Variants in SYNPR observed in about 807,000 individuals in gnomAD.
SYNPR encodes synaptoporin.
In SYNPR, 23 loss-of-function variants were observed where a neutral mutation model predicts 32.9. That is an observed-to-expected ratio of 0.70 (90% CI 0.50 to 0.99). The LOEUF (loss-of-function observed/expected upper bound fraction) is 0.99, where lower values mean the gene tolerates loss of function less well. Among genes scored for constraint, SYNPR ranks in the 50% least tolerant of loss-of-function variants. SYNPR has a pLI of 0.00. For synonymous variants in SYNPR, 146 were observed against 135.9 expected (o/e 1.07, Z -0.52); for missense variants, 318 against 349.3 (o/e 0.91, Z 0.71).
intron 2 of SYNPR, among the ~76,000 whole-genome samples, chr3:63,374,469 A>T (rs1038521337): frequency 1.3e-5 from 2 of 152,150 alleles, no homozygotes; most frequent in East Asian, 1.9e-4. Flanking sequence ...GGATCAAAAA[A>T]CTACCTGTCA....
chr3:63,400,809 G>T (rs746368966), intron 2 of SYNPR, among the ~76,000 whole-genome samples: 1 of 152,172 alleles, frequency 6.6e-6, no homozygotes, highest in African/African-American at 2.4e-5. Flanking sequence ...TGGGGAAGAC[G>T]TAATTTCCCA....
At chr3:63,536,333 A>T (rs1464061895) in intron 3 of SYNPR, among the ~76,000 whole-genome samples, 3 of 152,140 alleles carry the variant, frequency 2.0e-5, no homozygotes, top group African/African-American at 7.2e-5. Context: ...ATCCAAGAAG[A>T]TATACAAATA....
At chr3:63,364,782 T>C (rs1205848911) in intron 2 of SYNPR, among the ~76,000 whole-genome samples, 1 of 152,178 alleles carries the variant, frequency 6.6e-6, no homozygotes, top group Non-Finnish European at 1.5e-5. Flanking sequence ...GTTGTTTGGA[T>C]GTGCCATTGG....
intron 5 of SYNPR, 109 bp from the exon 6 acceptor site, chr3:63,615,115 C>T (rs1700259984): frequency 1.5e-6 from 2 of 1,339,518 alleles, no homozygotes; most frequent in East Asian, 2.5e-5. Flanking sequence ...GCGGACTCAA[C>T]ATTAAAGTGA....
intron 3 of SYNPR, among the ~76,000 whole-genome samples, chr3:63,527,610 G>GCAAAAAGCAAAAA (rs1485130817): frequency 2.0e-5 from 3 of 152,192 alleles, no homozygotes; most frequent in African/African-American, 7.2e-5. Context: ...CAAGAGTCCA[G>GCAAAAAGCAAAAA]GCCAAGCAAA....
At chr3:63,489,722 T>G (rs896110421) in intron 3 of SYNPR, among the ~76,000 whole-genome samples, 2 of 152,178 alleles carry the variant, frequency 1.3e-5, no homozygotes. Flanking sequence ...TACATATATA[T>G]GCATATATGC....
At chr3:63,357,561 A>G (rs1015214514) in intron 2 of SYNPR, among the ~76,000 whole-genome samples, 9 of 152,114 alleles carry the variant, frequency 5.9e-5, no homozygotes, top group Non-Finnish European at 1.2e-4. Context: ...CCAGGCCACA[A>G]GAATCCCCAT....
At chr3:63,256,536 C>G (rs1323678885) in intron 2 of SYNPR, among the ~76,000 whole-genome samples, 1 of 152,154 alleles carries the variant, frequency 6.6e-6, no homozygotes, top group Non-Finnish European at 1.5e-5. Context: ...AACTAACAAA[C>G]AGAAAGGACA....
chr3:63,404,709 T>G (rs2088337463), intron 2 of SYNPR, among the ~76,000 whole-genome samples: 1 of 152,204 alleles, frequency 6.6e-6, no homozygotes. Flanking sequence ...AAAATCATAA[T>G]TCATAGGATT....
chr3:63,595,747 A>AGTTT lies in SYNPR; in HGVS notation c.409-13378_409-13377insGTTT, dbSNP rs1483225622. Reference sequence around the variant, plus strand: ...TATATATATATATATATATATATATATATATATATATATATATATATAATT... The same window carrying AGTTT: ...TATATATATATATATATATATATATAGTTTTATATATATATATATATATATAATT... On this transcript the variant is annotated intron_variant, in intron 4 of 5. Transcript: ENST00000478300. Among the ~76,000 whole-genome samples the AGTTT allele has an allele frequency of 1.3e-4, 6 of 47,394 alleles. 1 individual carries two copies. Among genetic ancestry groups the AGTTT allele is most frequent in the African/African-American group, 8.8e-4 (6 of 6,816 alleles). The allele number at this position is 47,394 out of a possible 152,430, so 31.1% of individuals were successfully genotyped here.
chr3:63,248,192 A>G (rs2086305873), intron 1 of SYNPR, among the ~76,000 whole-genome samples: 1 of 152,108 alleles, frequency 6.6e-6, no homozygotes, highest in Admixed American at 6.6e-5. Flanking sequence ...CAGACCCCCA[A>G]AACCTGTTAA....
At chr3:63,266,900 G>A (rs760484195) in intron 2 of SYNPR, among the ~76,000 whole-genome samples, 2 of 151,856 alleles carry the variant, frequency 1.3e-5, no homozygotes, top group African/African-American at 2.4e-5. Context: ...CATTTTGTAA[G>A]TCCAAAGGAA....
At chr3:63,242,791 A>G (rs2086258084) in intron 1 of SYNPR, among the ~76,000 whole-genome samples, 1 of 152,110 alleles carries the variant, frequency 6.6e-6, no homozygotes, top group Non-Finnish European at 1.5e-5. Context: ...GAATTATCTG[A>G]AAAAGACTTT....
intron 3 of SYNPR, among the ~76,000 whole-genome samples, chr3:63,523,127 G>A (rs1005439408): frequency 2.0e-5 from 3 of 152,100 alleles, no homozygotes; most frequent in African/African-American, 4.8e-5. Flanking sequence ...AGTAACCTGG[G>A]ACCCCTGCAC....
At chr3:63,246,861 CTTTAT>C (rs148907437) in intron 1 of SYNPR, among the ~76,000 whole-genome samples, 9,537 of 151,982 alleles carry the variant, frequency 0.063, 367 homozygotes, top group Middle Eastern at 0.085. Flanking sequence ...ATCTCTGAGC[CTTTAT>C]TTTATCACCT....
chr3:63,258,353 G>A (rs1337363981), intron 2 of SYNPR, among the ~76,000 whole-genome samples: 2 of 152,300 alleles, frequency 1.3e-5, no homozygotes, highest in East Asian at 3.9e-4. Flanking sequence ...TAAAAGAACA[G>A]AAATTATGAC....
Position 63,480,917 on chromosome 3 carries a change from G to T in SYNPR, c.170G>T (p.Ser57Ile). The change falls in exon 3 of 6, where the codon AGT becomes ATT. Residue 57 changes from serine to isoleucine, a missense_variant. Ser to Ile is a moderately radical substitution (Grantham distance 142). Coordinates refer to ENST00000478300, the MANE Select transcript of SYNPR (RefSeq NM_001130003.2). ...GTGGACTGCGTCAACAAGACAGAAA[G>T]TAACCTCAGCATCGACATAGCGTTT... is the stretch of plus-strand genomic sequence containing the variant. ...LSVDCVNKTESNLSIDIAFAY... is the reference protein window; with the variant it reads ...LSVDCVNKTEINLSIDIAFAY... 1.2e-6 allele frequency: 2 copies of T among 1,613,498 alleles called. No individual in the cohort carries two copies. The highest frequency in any genetic ancestry group is 1.7e-6 in the Non-Finnish European group (2 of 1,179,536).
At chr3:63,555,380 T>A (rs771730960) in intron 3 of SYNPR, among the ~76,000 whole-genome samples, 2 of 151,988 alleles carry the variant, frequency 1.3e-5, no homozygotes, top group Non-Finnish European at 2.9e-5. Context: ...TTTATGGTCA[T>A]AAATAAGCCT....
chr3:63,607,855 C>T (rs915384700), intron 4 of SYNPR, among the ~76,000 whole-genome samples: 2 of 132,456 alleles, frequency 1.5e-5, no homozygotes, highest in African/African-American at 2.8e-5. Flanking sequence ...ATCATGGGAT[C>T]GTGATGAAAA....
Sources: allele counts gnomAD v4.1 joint callset (sites outside exome capture counted in the v4.1 genomes callset), GRCh38; gene constraint gnomAD v4.1.1; transcripts MANE v1.5; gene names NCBI Gene and HGNC (gene_info 2026-07-23, HGNC 2026-07-21).